Variants in DLC1 observed in about 807,000 individuals in gnomAD.
DLC1 encodes rho GTPase-activating protein 7.
DLC1 carries 54 observed loss-of-function variants against 140.3 expected under a neutral mutation model. That is an observed-to-expected ratio of 0.38 (90% CI 0.31 to 0.48). The LOEUF is 0.48. DLC1 is among the 20% of genes least tolerant of loss of function. The pLI is 0.96. For synonymous variants in DLC1, 986 were observed against 728.1 expected, an observed-to-expected ratio of 1.35 and a Z score of -5.70; for missense variants, 2,536 against 1,907.0, an observed-to-expected ratio of 1.33 and a Z score of -6.14.
chr8:13,226,269 T>C (rs575332627), intron 5 of DLC1, among the ~76,000 whole-genome samples: 2 of 152,330 alleles, frequency 1.3e-5, no homozygotes, highest in Non-Finnish European at 2.9e-5. Flanking sequence ...AGATTTATAT[T>C]TGGAAATTTC....
chr8:13,473,159 A>G (rs1800287603), intron 2 of DLC1, among the ~76,000 whole-genome samples: 1 of 152,174 alleles, frequency 6.6e-6, no homozygotes, highest in East Asian at 1.9e-4. Context: ...TGAGTATACC[A>G]TCTGCATGGA....
At chr8:13,292,678 AT>A (rs1252799965) in intron 5 of DLC1, among the ~76,000 whole-genome samples, 1 of 152,150 alleles carries the variant, frequency 6.6e-6, no homozygotes, top group Non-Finnish European at 1.5e-5. Context: ...GTACAAGTGT[AT>A]TTTTTTAAAT....
chr8:13,386,099 G>T (rs1310430214), intron 4 of DLC1, among the ~76,000 whole-genome samples: 1 of 152,094 alleles, frequency 6.6e-6, no homozygotes, highest in Non-Finnish European at 1.5e-5. Context: ...AATATGAGTT[G>T]AATTCAAGAA....
intron 5 of DLC1, among the ~76,000 whole-genome samples, chr8:13,175,883 C>T (rs1456803112): frequency 1.3e-5 from 2 of 152,188 alleles, no homozygotes; most frequent in African/African-American, 2.4e-5. Flanking sequence ...GCTTCCCTCT[C>T]CTTCTCCAGT....
intron 1 of DLC1, among the ~76,000 whole-genome samples, chr8:13,554,213 C>T (rs1423076291): frequency 6.6e-6 from 1 of 152,024 alleles, no homozygotes; most frequent in South Asian, 2.1e-4. Context: ...ATTACAGAGG[C>T]CCGCCAACAC....
intron 4 of DLC1, among the ~76,000 whole-genome samples, chr8:13,378,666 T>C (rs1253587336): frequency 6.6e-6 from 1 of 152,208 alleles, no homozygotes; most frequent in Non-Finnish European, 1.5e-5. Context: ...TGTTTTTTTG[T>C]TACATGTTCT....
At chr8:13,282,413 G>T (rs1831395149) in intron 5 of DLC1, among the ~76,000 whole-genome samples, 1 of 151,994 alleles carries the variant, frequency 6.6e-6, no homozygotes, top group African/African-American at 2.4e-5. Flanking sequence ...ATGATTTCAG[G>T]TTTTCTTTTA....
chr8:13,494,754 C>A lies in DLC1; in HGVS notation c.1023+4295G>T, dbSNP rs375296510. Among the ~76,000 whole-genome samples the A allele has an allele frequency of 1.8e-3, 276 of 152,116 alleles. 1 individual carries two copies. The highest frequency in any genetic ancestry group is 6.4e-3 in the African/African-American group (265 of 41,498). Reference sequence around the variant, plus strand: ...TCACTTGAGGTCAGGAGTTTGAGACCAGGCTGGCCAACATGGCGAAACCCC... The same window carrying A: ...TCACTTGAGGTCAGGAGTTTGAGACAAGGCTGGCCAACATGGCGAAACCCC... On this transcript the variant is annotated intron_variant, in intron 2 of 17. Transcript: ENST00000276297.
intron 1 of DLC1, chr8:13,567,533 T>A: frequency 6.4e-7 from 1 of 1,551,816 alleles, no homozygotes; most frequent in Non-Finnish European, 8.7e-7. Flanking sequence ...TTTAAAAACA[T>A]GAGGACAACG....
chr8:13,491,471 T>G (rs1801237057), intron 2 of DLC1, among the ~76,000 whole-genome samples: 1 of 152,202 alleles, frequency 6.6e-6, no homozygotes, highest in Non-Finnish European at 1.5e-5. Context: ...ATATGTATGT[T>G]ATAGAACATA....
At chr8:13,294,030 C>A (rs924769044) in intron 5 of DLC1, among the ~76,000 whole-genome samples, 1 of 152,114 alleles carries the variant, frequency 6.6e-6, no homozygotes, top group African/African-American at 2.4e-5. Flanking sequence ...TGGAGTAGAA[C>A]CAATACTGTA....
At chr8:13,314,201 A>G (rs1027574655) in intron 4 of DLC1, among the ~76,000 whole-genome samples, 4 of 147,570 alleles carry the variant, frequency 2.7e-5, no homozygotes, top group African/African-American at 5.0e-5. Flanking sequence ...ATAATTATAC[A>G]TATAATATAT....
intron 5 of DLC1, among the ~76,000 whole-genome samples, chr8:13,258,862 G>C (rs78289540): frequency 0.13 from 19,735 of 152,160 alleles, 1,345 homozygotes; most frequent in South Asian, 0.17. Context: ...ATTAGGCCGG[G>C]CGCGGTGGCT....
chr8:13,446,282 G>A (rs973265434), intron 2 of DLC1, among the ~76,000 whole-genome samples: 5 of 152,118 alleles, frequency 3.3e-5, no homozygotes, highest in South Asian at 2.1e-4. Flanking sequence ...CAAAATTGTC[G>A]CAAAATTTAC....
rs551939691 is a variant in DLC1, at chr8:13,446,462, T to C, written c.1024-44843A>G. Among the ~76,000 whole-genome samples, 8 of 152,264 alleles carry C rather than the reference T, an allele frequency of 5.3e-5. No individual in the cohort carries two copies. In the South Asian group the frequency reaches 1.5e-3, roughly 28 times the overall value. On this transcript the variant is annotated intron_variant, in intron 2 of 17. Transcript: ENST00000276297. ...TGTTATTGCAGACATGGGCCTGGGCTTGTTATTTAGTCATGACTAAGTTTT... is the reference window on the plus strand; with the variant it reads ...TGTTATTGCAGACATGGGCCTGGGCCTGTTATTTAGTCATGACTAAGTTTT...
At chr8:13,233,716 T>C (rs971479203) in intron 5 of DLC1, among the ~76,000 whole-genome samples, 8 of 152,208 alleles carry the variant, frequency 5.3e-5, no homozygotes, top group Non-Finnish European at 8.8e-5. Flanking sequence ...GTAAAACAAT[T>C]TGGCTTGCCA....
intron 2 of DLC1, among the ~76,000 whole-genome samples, chr8:13,423,913 G>A (rs911462257): frequency 3.9e-5 from 6 of 152,194 alleles, no homozygotes; most frequent in African/African-American, 1.2e-4. Context: ...AGGCCCATCC[G>A]AGGGGAAAAT....
At chr8:13,527,255 C>T (rs372235484) in intron 1 of DLC1, among the ~76,000 whole-genome samples, 10 of 152,158 alleles carry the variant, frequency 6.6e-5, no homozygotes, top group African/African-American at 2.4e-4. Context: ...TTGAGAAATC[C>T]TGCTGTATTC....
chr8:13,464,766 T>TA (rs1563370459), intron 2 of DLC1, among the ~76,000 whole-genome samples: 361 of 7,340 alleles, frequency 0.049, 1 homozygote, highest in Middle Eastern at 0.083. Context: ...ATATATATAT[T>TA]TATATATATA....
Sources: allele counts gnomAD v4.1 joint callset (sites outside exome capture counted in the v4.1 genomes callset), GRCh38; gene constraint gnomAD v4.1.1; transcripts MANE v1.5; gene names NCBI Gene and HGNC (gene_info 2026-07-23, HGNC 2026-07-21).